The following EIF3A variants were observed in gnomAD, a reference collection of about 807,000 sequenced individuals.
The protein encoded by EIF3A is EIF3, p180 subunit.
EIF3A carries 21 observed loss-of-function variants against 186.6 expected under a neutral mutation model. The observed-to-expected ratio is 0.11, with a 90% CI of 0.08 to 0.16. EIF3A has a LOEUF of 0.16. EIF3A is among the 10% of genes least tolerant of loss of function. EIF3A has a pLI of 1.00. For synonymous variants in EIF3A, 563 were observed against 584.3 expected, an observed-to-expected ratio of 0.96 and a Z score of 0.52; for missense variants, 1,306 against 1,796.3, an observed-to-expected ratio of 0.73 and a Z score of 4.93.
intron 17 of EIF3A, among the ~76,000 whole-genome samples, chr10:119,048,160 C>CTTTG (rs777839882): frequency 0.064 from 9,694 of 151,962 alleles, 581 homozygotes; most frequent in African/African-American, 0.16. Context: ...TGAGTACCAA[C>CTTTG]CAATGAAAGG....
At chr10:119,052,366 T>TGTGTGTGTGTGTGTGTGTGTGTGTGTG (rs1848367491) in intron 14 of EIF3A, among the ~76,000 whole-genome samples, 1 of 22,218 alleles carries the variant, frequency 4.5e-5, no homozygotes, top group African/African-American at 1.3e-4. Context: ...TCTTTTTTGG[T>TGTGTGTGTGTGTGTGTGTGTGTGTGTG]TTTGTGTGTG....
At chr10:119,046,586 G>A (rs1848285345) in intron 17 of EIF3A, among the ~76,000 whole-genome samples, 2 of 152,190 alleles carry the variant, frequency 1.3e-5, no homozygotes, top group South Asian at 2.1e-4. Flanking sequence ...TTAAGGTATG[G>A]TCATGATTTT....
chr10:119,040,982 A>G (rs1025185760), intron 19 of EIF3A, among the ~76,000 whole-genome samples: 2 of 133,502 alleles, frequency 1.5e-5, no homozygotes, highest in African/African-American at 5.6e-5. Context: ...CTCCAGCCAG[A>G]TGACAGAGCG....
intron 14 of EIF3A, among the ~76,000 whole-genome samples, chr10:119,054,203 G>T (rs568738822): frequency 1.3e-5 from 2 of 152,146 alleles, no homozygotes; most frequent in African/African-American, 4.8e-5. Context: ...TTACAGACGT[G>T]AGCCACCAGG....
chr10:119,055,202 T>G (rs186688232), intron 14 of EIF3A, among the ~76,000 whole-genome samples: 2 of 152,284 alleles, frequency 1.3e-5, no homozygotes, highest in Admixed American at 6.5e-5. Flanking sequence ...AGAATGAAAC[T>G]CTGTCTCAAA....
chr10:119,062,622 T>C (rs1330293944), intron 7 of EIF3A, among the ~76,000 whole-genome samples: 1 of 152,166 alleles, frequency 6.6e-6, no homozygotes, highest in African/African-American at 2.4e-5. Flanking sequence ...CCATCAGTGA[T>C]CACCGAATGA....
At chr10:119,074,984 CT>C (rs113459869) in intron 1 of EIF3A, among the ~76,000 whole-genome samples, 75 of 105,206 alleles carry the variant, frequency 7.1e-4, no homozygotes, top group African/African-American at 2.0e-3. Flanking sequence ...TATTTTTTTT[CT>C]TTTTTTTTTT....
chr10:119,056,505 A>C (rs1843785455), intron 14 of EIF3A, among the ~76,000 whole-genome samples: 1 of 152,224 alleles, frequency 6.6e-6, no homozygotes, highest in African/African-American at 2.4e-5. Context: ...TTTAAAGTGT[A>C]TATAAAGCAG....
In EIF3A at chr10:119,073,069, T is replaced by C. The variant is rs754461384; in HGVS notation, c.378-16A>G. 6.3e-6 allele frequency: 10 copies of C among 1,587,180 alleles called. No individual in the cohort carries two copies. The highest frequency in any genetic ancestry group is 3.8e-5 in the Admixed American group (2 of 52,042). On this transcript the variant is annotated splice_polypyrimidine_tract_variant and intron_variant, in intron 3 of 21. Transcript: ENST00000369144. ...TAGGAGAACACTACAAAGAAAAAAATGTTGAAAACAATTTTAGACAGTTTC... is the reference window on the plus strand; with the variant it reads ...TAGGAGAACACTACAAAGAAAAAAACGTTGAAAACAATTTTAGACAGTTTC...
intron 1 of EIF3A, among the ~76,000 whole-genome samples, chr10:119,078,218 C>T (rs910065367): frequency 2.0e-5 from 3 of 152,060 alleles, no homozygotes; most frequent in Non-Finnish European, 2.9e-5. Context: ...TAGTGTGGCA[C>T]CACTAATGAT....
chr10:119,069,623 C>G lies in EIF3A; in HGVS notation c.773G>C (p.Gly258Ala). Residue 258 changes from glycine to alanine, a missense_variant, in exon 6 of 22, where the codon GGG (glycine) becomes GCG (alanine). Physicochemically the swap from Gly to Ala is moderately conservative, Grantham distance 60. This residue lies in a region of EIF3A where 267 missense variants were observed against 367.8 expected (regional missense o/e 0.73). Coordinates refer to ENST00000369144, the MANE Select transcript of EIF3A (RefSeq NM_003750.4). ...EAFKAVEDIH[G>A]LFSLSKKPPK... Reference sequence around the variant, plus strand: ...TGGTTTTTTAGACAAGGAGAATAGCCCGTGAATATCTTCCACAGCTTTGAA... The same window carrying G: ...TGGTTTTTTAGACAAGGAGAATAGCGCGTGAATATCTTCCACAGCTTTGAA... 6.3e-7 allele frequency: 1 copy of G among 1,591,118 alleles called. No homozygotes were observed. The highest frequency in any genetic ancestry group is 8.6e-7 in the Non-Finnish European group (1 of 1,159,264).
chr10:119,038,212 CAA>C (rs1179910841), intron 20 of EIF3A, 24 bp downstream of exon 20: 2 of 1,602,030 alleles, frequency 1.2e-6, no homozygotes, highest in Admixed American at 3.4e-5. Flanking sequence ...CCGGCCTCTA[CAA>C]ATAATTTAAT....
At chr10:119,068,484 G>C (rs1489245745) in intron 6 of EIF3A, among the ~76,000 whole-genome samples, 1 of 151,070 alleles carries the variant, frequency 6.6e-6, no homozygotes, top group African/African-American at 2.4e-5. Flanking sequence ...AGGACAGCCT[G>C]GCCAACATCA....
Position 119,051,281 on chromosome 10 carries a change from T to C in EIF3A, c.2237A>G (p.His746Arg). ...MQLEREKALEHKNRMSRMLED... is the reference protein window; with the variant it reads ...MQLEREKALERKNRMSRMLED... The stretch of plus-strand genomic sequence containing the variant: ...AAGCATTCGTGACATTCGATTCTTA[T>C]GTTCAAGAGCCTTTTCACGTTCTAG... Residue 746 changes from histidine to arginine, a missense_variant, in exon 15 of 22, where the codon CAT (histidine) becomes CGT (arginine). Transcript: ENST00000369144. 3 of 1,610,672 alleles carry C rather than the reference T, an allele frequency of 1.9e-6. No individual in the cohort carries two copies. The highest frequency in any genetic ancestry group is 8.5e-7 in the Non-Finnish European group (1 of 1,179,002).
Position 119,080,240 on chromosome 10 carries a change from C to T in EIF3A, c.49+388G>A. ...GAGCCATGTTTCTTACTCCCCGGCACTCCCAGATGGCGGCCGGGGACGCGG... is the reference window on the plus strand; with the variant it reads ...GAGCCATGTTTCTTACTCCCCGGCATTCCCAGATGGCGGCCGGGGACGCGG... On this transcript the variant is annotated intron_variant, in intron 1 of 21. Transcript: ENST00000369144. 3.4e-6 allele frequency: 3 copies of T among 883,710 alleles called. No homozygotes were observed. In the African/African-American group the frequency reaches 5.4e-5, roughly 16 times the overall value. The allele number at this position is 883,710 out of a possible 1,614,324, so 54.7% of individuals were successfully genotyped here. A position where few individuals can be genotyped will look rare whatever the true frequency, so the allele number is the denominator to read the frequency against.
chr10:119,037,418 G>A, intron 20 of EIF3A, 109 bp from the exon 21 acceptor site: 2 of 966,194 alleles, frequency 2.1e-6, no homozygotes, highest in South Asian at 3.2e-5. Context: ...ATAACAGACA[G>A]TTTAAACTCA....
intron 17 of EIF3A, among the ~76,000 whole-genome samples, chr10:119,048,107 G>C (rs893869031): frequency 1.3e-5 from 2 of 150,948 alleles, no homozygotes; most frequent in Non-Finnish European, 2.9e-5. Context: ...CAGCAACACG[G>C]AAGACTACTA....
intron 21 of EIF3A, 60 bp from the exon 22 acceptor site, chr10:119,036,328 TA>T: frequency 9.0e-7 from 1 of 1,115,608 alleles, no homozygotes; most frequent in Non-Finnish European, 1.3e-6. Context: ...TGGCTCAAAT[TA>T]CTCAAAATTC....
chr10:119,068,579 G>A (rs1844017081), intron 6 of EIF3A, among the ~76,000 whole-genome samples: 1 of 152,266 alleles, frequency 6.6e-6, no homozygotes, highest in African/African-American at 2.4e-5. Flanking sequence ...AGGAAGCTGA[G>A]GCAGGAGAAT....
Sources: gnomAD v4.1 joint callset for allele counts (sites outside exome capture counted in the v4.1 genomes callset) on GRCh38, gnomAD v4.1.1 for gene constraint, gnomAD v4.1.1 regional missense constraint, MANE v1.5 for transcripts, NCBI Gene and HGNC (gene_info 2026-07-23, HGNC 2026-07-21) for gene names.